Variants in TET3 observed in about 807,000 individuals in gnomAD.
TET3 encodes methylcytosine dioxygenase TET3.
TET3 carries 19 observed loss-of-function variants against 141.4 expected under a neutral mutation model. The observed-to-expected ratio is 0.13, with a 90% CI of 0.09 to 0.20. TET3 has a LOEUF of 0.20. Ranked by LOEUF, TET3 falls within the 10% of genes least tolerant of loss-of-function variation. The pLI, the probability that TET3 is intolerant of heterozygous loss-of-function variation, is 1.00. For synonymous variants in TET3, 1,043 were observed against 980.9 expected (o/e 1.06, Z -1.18); for missense variants, 1,874 against 2,356.9 (o/e 0.80, Z 4.24).
intron 8 of TET3, among the ~76,000 whole-genome samples, chr2:74,090,475 C>T (rs1690422785): frequency 6.6e-6 from 1 of 152,228 alleles, no homozygotes; most frequent in Non-Finnish European, 1.5e-5. Flanking sequence ...CCCAAGGTAT[C>T]TCCCACCCTG....
intron 4 of TET3, among the ~76,000 whole-genome samples, chr2:74,070,361 A>C (rs760923294): frequency 1.1e-4 from 17 of 152,158 alleles, no homozygotes; most frequent in Non-Finnish European, 1.9e-4. Flanking sequence ...AAACCATCAG[A>C]TCTCATGAGA....
At chr2:74,070,466 C>T (rs541192387) in intron 4 of TET3, among the ~76,000 whole-genome samples, 144 of 152,296 alleles carry the variant, frequency 9.5e-4, no homozygotes, top group African/African-American at 3.4e-3. Flanking sequence ...ATTATGGGAG[C>T]TACAATTCAA....
intron 2 of TET3, chr2:73,993,269 C>G (rs548368143): frequency 6.6e-6 from 1 of 152,350 alleles, no homozygotes; most frequent in African/African-American, 2.4e-5. Flanking sequence ...AAATTGCTCA[C>G]CTGAGTCCTG....
rs1220679754 is a variant in TET3, at chr2:74,104,788, C to A, written c.*2612C>A. 5.4e-6 allele frequency: 1 copy of A among 184,284 alleles called. No individual in the cohort carries two copies. The highest frequency in any genetic ancestry group is 1.1e-5 in the Non-Finnish European group (1 of 90,186). 11.4% of individuals were successfully genotyped at this position (184,284 alleles called of 1,614,324 possible). A position where few individuals can be genotyped will look rare whatever the true frequency, so the allele number is the denominator to read the frequency against. ...CAAGCTAAAAGCATGCGACGTCTGT[C>A]CCCCAGCCCAAACAGCCTTGGTTCA... On this transcript the variant is annotated 3_prime_UTR_variant, in exon 12 of 12. Coordinates refer to ENST00000409262, the MANE Select transcript of TET3 (RefSeq NM_001287491.2).
chr2:74,087,952 C>T lies in TET3; in HGVS notation c.2802C>T (p.Ser934=). 6.4e-7 allele frequency: 1 copy of T among 1,555,062 alleles called. No individual in the cohort carries two copies. The highest frequency in any genetic ancestry group is 8.7e-7 in the Non-Finnish European group (1 of 1,149,048). ...TGGCCTGGGAGGGCATTCCCCGTAG[C>T]CTCGGAGACACCCTCTACCAGGAGC... ...LILAWEGIPR[S]LGDTLYQELT... is the part of the protein sequence containing the mutation. Residue 934 remains serine, a synonymous_variant, in exon 7 of 12, where the codon AGC becomes AGT. Transcript: ENST00000409262. The surrounding 1 kb of genome is among the most constrained non-coding windows in gnomAD (Gnocchi z 4.3).
intron 5 of TET3, among the ~76,000 whole-genome samples, chr2:74,079,067 G>A (rs1396892351): frequency 6.6e-6 from 1 of 152,216 alleles, no homozygotes; most frequent in African/African-American, 2.4e-5. Context: ...ACTTGGCCAG[G>A]CCTGGCATGC....
In TET3 at chr2:74,052,581, G is replaced by T. The variant is rs575433822; in HGVS notation, c.2494+4170G>T. Among the ~76,000 whole-genome samples the T allele has an allele frequency of 6.0e-5, 9 of 151,230 alleles. No homozygotes were observed. In the South Asian group the frequency reaches 1.0e-3, roughly 18 times the overall value. On this transcript the variant is annotated intron_variant, in intron 4 of 11. Coordinates refer to ENST00000409262, the MANE Select transcript of TET3 (RefSeq NM_001287491.2). The stretch of plus-strand genomic sequence containing the variant: ...CAAAAAAAAAAAAAAAAAAAATGGT[G>T]GGGGAGGGGCCCGGGCGCTGTGGCT...
At position 73,985,085 on chromosome 2, in the gene TET3, C is replaced by CGGT. The variant is rs997095127; in HGVS notation, c.-491_-489dup. On this transcript the variant is annotated 5_prime_UTR_variant, in exon 1 of 12. Coordinates refer to ENST00000409262, the MANE Select transcript of TET3 (RefSeq NM_001287491.2). ...CAGGCGGCGGCGGCGGCGGCCGCGA[C>CGGT]GGTGGTGGCGGCGGCGGCGCGGGCC... 25 of 144,980 alleles carry CGGT rather than the reference C, an allele frequency of 1.7e-4. No individual in the cohort carries two copies. The highest frequency in any genetic ancestry group is 6.1e-4 in the African/African-American group (24 of 39,236). 9.0% of individuals were successfully genotyped at this position (144,980 alleles called of 1,614,324 possible).
intron 2 of TET3, chr2:74,002,708 C>G: frequency 2.3e-6 from 1 of 435,668 alleles, no homozygotes; most frequent in South Asian, 5.9e-5. Context: ...GGCAGCTGGC[C>G]GCCGCCTCCT....
At chr2:74,030,659 A>G (rs910176893) in intron 3 of TET3, among the ~76,000 whole-genome samples, 3 of 152,208 alleles carry the variant, frequency 2.0e-5, no homozygotes, top group African/African-American at 7.2e-5. Flanking sequence ...TAAGTTGTGA[A>G]TTAGAAGGCA....
Position 74,105,238 on chromosome 2 carries a change from C to T in TET3, c.*3062C>T, listed in dbSNP as rs895824271. The stretch of plus-strand genomic sequence containing the variant: ...ATATTATAGCAACGGAAATCGATGG[C>T]GTCTTAGTCATCTCCCCAGTGTGCC... On this transcript the variant is annotated 3_prime_UTR_variant, in exon 12 of 12. Coordinates refer to ENST00000409262, the MANE Select transcript of TET3 (RefSeq NM_001287491.2). 25 of 398,428 alleles carry T rather than the reference C, an allele frequency of 6.3e-5. No homozygotes were observed. The highest frequency in any genetic ancestry group is 1.4e-4 in the African/African-American group (7 of 48,610). The allele number at this position is 398,428 out of a possible 1,614,324, so 24.7% of individuals were successfully genotyped here.
At chr2:74,090,132 G>T (rs1418281681) in intron 8 of TET3, 85 bp downstream of exon 8, 2 of 1,548,994 alleles carry the variant, frequency 1.3e-6, no homozygotes, top group Non-Finnish European at 8.7e-7. Flanking sequence ...GTACTGGCAC[G>T]CCATGACTCA....
chr2:74,090,147 C>A, intron 8 of TET3, 100 bp downstream of exon 8: 1 of 1,510,264 alleles, frequency 6.6e-7, no homozygotes, highest in South Asian at 1.3e-5. Context: ...GACTCAGATG[C>A]ACAGGAAGTG....
upstream of TET3, among the ~76,000 whole-genome samples, chr2:73,983,656 TTTC>T (rs1378437587): frequency 6.6e-6 from 1 of 152,232 alleles, no homozygotes; most frequent in Non-Finnish European, 1.5e-5. Context: ...GTTACTTTTT[TTTC>T]TTTCTTTCTA....
intron 3 of TET3, among the ~76,000 whole-genome samples, chr2:74,029,332 G>C (rs1205811938): frequency 6.6e-6 from 1 of 152,150 alleles, no homozygotes; most frequent in Non-Finnish European, 1.5e-5. Context: ...AAATAGACAT[G>C]GAAGGAGGAG....
At chr2:74,113,542 A>T in the TET3 span, among the ~76,000 whole-genome samples, 1 of 152,140 alleles carries the variant, frequency 6.6e-6, no homozygotes, top group African/African-American at 2.4e-5. Context: ...CATATATATA[A>T]AAACCTAAAG....
At chr2:74,095,174 A>G (rs1161438931) in intron 10 of TET3, among the ~76,000 whole-genome samples, 1 of 152,178 alleles carries the variant, frequency 6.6e-6, no homozygotes, top group Non-Finnish European at 1.5e-5. Flanking sequence ...AGTGTAGCTT[A>G]TGCCCCCTGG....
At chr2:74,068,544 A>G (rs1689033052) in intron 4 of TET3, among the ~76,000 whole-genome samples, 1 of 152,236 alleles carries the variant, frequency 6.6e-6, no homozygotes, top group Non-Finnish European at 1.5e-5. Context: ...TTCCATTACA[A>G]ACAATGATAT....
chr2:73,990,092 C>T (rs1684247139), intron 2 of TET3, among the ~76,000 whole-genome samples: 1 of 152,012 alleles, frequency 6.6e-6, no homozygotes, highest in Non-Finnish European at 1.5e-5. Context: ...AGTCTTCGAG[C>T]TGTAAAGATG....
Sources: gnomAD v4.1 joint callset for allele counts (sites outside exome capture counted in the v4.1 genomes callset) on GRCh38, gnomAD v4.1.1 for gene constraint, Gnocchi (gnomAD v3.1) non-coding constraint, MANE v1.5 for transcripts, NCBI Gene and HGNC (gene_info 2026-07-23, HGNC 2026-07-21) for gene names.